PLPP1: variants seen among roughly 807,000 people sequenced by gnomAD.
PLPP1 encodes phospholipid phosphatase 1.
In PLPP1, 24 loss-of-function variants were observed where a neutral mutation model predicts 31.2. The observed-to-expected ratio is 0.77, with a 90% CI of 0.56 to 1.08. PLPP1 has a LOEUF of 1.08. Ranked by LOEUF, PLPP1 falls within the 50% of genes least tolerant of loss-of-function variation. PLPP1 has a pLI of 0.00. For missense variants in PLPP1, 319 were observed against 342.7 expected (o/e 0.93, Z 0.55); for synonymous variants, 146 against 126.3 (o/e 1.16, Z -1.05).
intron 1 of PLPP1, among the ~76,000 whole-genome samples, chr5:55,489,292 C>G (rs1262702695): frequency 4.6e-5 from 7 of 152,126 alleles, no homozygotes; most frequent in African/African-American, 1.7e-4. Context: ...AAAAAAGAAA[C>G]TTTATCTGGC....
chr5:55,472,436 AC>A (rs1449558873), intron 2 of PLPP1, among the ~76,000 whole-genome samples: 7 of 151,994 alleles, frequency 4.6e-5, no homozygotes, highest in African/African-American at 1.7e-4. Flanking sequence ...CCCCATCTTT[AC>A]TAAAAATACA....
intron 1 of PLPP1, among the ~76,000 whole-genome samples, chr5:55,529,274 T>TAC (rs1193207933): frequency 1.3e-5 from 2 of 151,742 alleles, no homozygotes; most frequent in Admixed American, 6.6e-5. Context: ...CAAAAGTATA[T>TAC]ATATATACAT....
chr5:55,485,029 T>C (rs755963411), intron 1 of PLPP1: 7 of 152,288 alleles, frequency 4.6e-5, no homozygotes, highest in Middle Eastern at 6.8e-3. Context: ...ACTTTGACTG[T>C]GTATCTTAAT....
chr5:55,493,879 CAAAAAAAAA>C (rs35683543), intron 1 of PLPP1, among the ~76,000 whole-genome samples: 1 of 95,748 alleles, frequency 1.0e-5, no homozygotes, highest in Non-Finnish European at 2.2e-5. Context: ...GACTCCATCT[CAAAAAAAAA>C]AAAAAAAAAT....
At chr5:55,444,377 G>A (rs141360233) in intron 3 of PLPP1, among the ~76,000 whole-genome samples, 4 of 151,950 alleles carry the variant, frequency 2.6e-5, no homozygotes, top group African/African-American at 7.2e-5. Context: ...CACCGCGCCC[G>A]GCCCCAAATG....
At chr5:55,497,606 G>A (rs1007532494) in intron 1 of PLPP1, among the ~76,000 whole-genome samples, 4 of 152,012 alleles carry the variant, frequency 2.6e-5, no homozygotes, top group African/African-American at 9.7e-5. Flanking sequence ...AAATAACACA[G>A]CTGTAACTGC....
intron 3 of PLPP1, among the ~76,000 whole-genome samples, chr5:55,444,771 G>GTGTGTGT (rs369243024): frequency 6.6e-6 from 1 of 150,800 alleles, no homozygotes; most frequent in Non-Finnish European, 1.5e-5. Flanking sequence ...GTGTGTGTGT[G>GTGTGTGT]ATGGAGTCTC....
chr5:55,497,592 A>G (rs905018007), intron 1 of PLPP1, among the ~76,000 whole-genome samples: 1 of 152,090 alleles, frequency 6.6e-6, no homozygotes, highest in African/African-American at 2.4e-5. Flanking sequence ...TCAGTACTAC[A>G]GGAAAATAAC....
At chr5:55,496,711 G>A (rs1244413077) in intron 1 of PLPP1, among the ~76,000 whole-genome samples, 1 of 152,216 alleles carries the variant, frequency 6.6e-6, no homozygotes, top group African/African-American at 2.4e-5. Flanking sequence ...TGTTAGGCAT[G>A]TATGTCTGCT....
At chr5:55,444,741 T>C (rs868587925) in intron 3 of PLPP1, among the ~76,000 whole-genome samples, 2 of 6,956 alleles carry the variant, frequency 2.9e-4, no homozygotes, top group African/African-American at 5.0e-4. Flanking sequence ...TGGGATTCTA[T>C]TTTGTGTGTG....
intron 1 of PLPP1, chr5:55,530,525 G>T: frequency 2.5e-6 from 3 of 1,199,958 alleles, no homozygotes; most frequent in Non-Finnish European, 1.2e-6. Context: ...AATCTTCAGA[G>T]ATCTGAAAGT....
intron 2 of PLPP1, among the ~76,000 whole-genome samples, chr5:55,470,709 GTTTCAT>G (rs1235186769): frequency 2.0e-5 from 3 of 152,138 alleles, no homozygotes; most frequent in Non-Finnish European, 4.4e-5. Flanking sequence ...ATATTCTTTT[GTTTCAT>G]TTTAATTCCT....
intron 2 of PLPP1, among the ~76,000 whole-genome samples, chr5:55,471,105 C>T (rs989043409): frequency 5.9e-5 from 9 of 152,132 alleles, no homozygotes; most frequent in South Asian, 2.1e-4. Flanking sequence ...GACACATCTC[C>T]GCATCTTCTT....
intron 4 of PLPP1, among the ~76,000 whole-genome samples, chr5:55,433,663 C>G (rs563856798): frequency 1.1e-3 from 159 of 149,310 alleles, no homozygotes; most frequent in African/African-American, 3.7e-3. Flanking sequence ...CCACACCTGG[C>G]TAATTTTTTC....
At chr5:55,483,440 G>A (rs1333104044) in intron 1 of PLPP1, among the ~76,000 whole-genome samples, 1 of 152,102 alleles carries the variant, frequency 6.6e-6, no homozygotes, top group African/African-American at 2.4e-5. Context: ...GGGAGGCTGA[G>A]GTGGGCAGAT....
chr5:55,526,887 G>A (rs1002989583), intron 1 of PLPP1, among the ~76,000 whole-genome samples: 6 of 147,144 alleles, frequency 4.1e-5, no homozygotes, highest in African/African-American at 5.0e-5. Context: ...AGCCAAGATC[G>A]GGCCACTGTA....
chr5:55,506,366 T>C (rs1332883580), intron 1 of PLPP1, among the ~76,000 whole-genome samples: 1 of 151,084 alleles, frequency 6.6e-6, no homozygotes, highest in African/African-American at 2.4e-5. Flanking sequence ...GAGTGAACAC[T>C]AAGGCAGATA....
rs1752336844 is a variant in PLPP1, at chr5:55,467,814, C to T, written c.491+55G>A. 4.0e-6 allele frequency: 6 copies of T among 1,508,808 alleles called. No homozygotes were observed. The South Asian group carries it at 8.0e-5, about 20-fold the overall frequency. 93.5% of individuals were successfully genotyped at this position (1,508,808 alleles called of 1,614,324 possible). ...GTGGCTTATCTTCCAGTCACTGAAA[C>T]CTTCTATTCCAAGAATATACAAGAT... On this transcript the variant is annotated intron_variant, in intron 3 of 5. Transcript: ENST00000307259.
chr5:55,494,287 T>C (rs554054788), intron 1 of PLPP1, among the ~76,000 whole-genome samples: 2 of 151,292 alleles, frequency 1.3e-5, no homozygotes, highest in African/African-American at 2.4e-5. Flanking sequence ...GGAAACAGAA[T>C]AGGATGCAGA....
Sources: allele counts gnomAD v4.1 joint callset (sites outside exome capture counted in the v4.1 genomes callset), GRCh38; gene constraint gnomAD v4.1.1; transcripts MANE v1.5; gene names NCBI Gene and HGNC (gene_info 2026-07-23, HGNC 2026-07-21).